Variants in FANCB observed in about 807,000 individuals in gnomAD.
FANCB encodes the protein FA complementation group B.
Under a neutral mutation model 38.9 loss-of-function variants are expected in FANCB, and 5 were observed. That is an observed-to-expected ratio of 0.13 (90% CI 0.07 to 0.27). The LOEUF (loss-of-function observed/expected upper bound fraction) is 0.27. Among genes scored for constraint, FANCB ranks in the 10% least tolerant of loss-of-function variants. The pLI, the probability that FANCB is intolerant of heterozygous loss-of-function variation, is 1.00. For missense variants in FANCB, 573 were observed against 602.7 expected (o/e 0.95, Z 0.52); for synonymous variants, 236 against 215.4 (o/e 1.10, Z -0.84).
the FANCB span, among the ~76,000 whole-genome samples, chrX:14,828,874 C>T: frequency 2.2e-3 from 247 of 110,910 alleles, no homozygotes; most frequent in African/African-American, 6.9e-3. Context: ...ATCTTACCTG[C>T]CTATTTTTAT....
the FANCB span, among the ~76,000 whole-genome samples, chrX:14,707,951 ACATTGTTAC>A: frequency 1.8e-5 from 2 of 111,169 alleles, no homozygotes; most frequent in South Asian, 7.6e-4. Flanking sequence ...CCATCATCTC[ACATTGTTAC>A]CAGTTTCTTT....
the FANCB span, among the ~76,000 whole-genome samples, chrX:14,721,842 C>T: frequency 4.5e-3 from 500 of 111,521 alleles, 1 homozygote; most frequent in Non-Finnish European, 7.3e-3. Context: ...CCTCAGTGCT[C>T]TATCTGGAAA....
chrX:14,859,144 G>A, intron 4 of FANCB, 38 bp downstream of exon 4: 1 of 1,000,238 alleles, frequency 1.0e-6, no homozygotes, highest in Non-Finnish European at 1.4e-6. Context: ...TTCTAAAATG[G>A]TTCTTAAAAT....
chrX:14,789,289 T>C, the FANCB span, among the ~76,000 whole-genome samples: 1 of 111,067 alleles, frequency 9.0e-6, no homozygotes, highest in African/African-American at 3.3e-5. Flanking sequence ...CAGTAGAATG[T>C]TATTTTCTCA....
the FANCB span, among the ~76,000 whole-genome samples, chrX:14,691,100 T>C: frequency 2.7e-5 from 3 of 112,077 alleles, no homozygotes; most frequent in African/African-American, 9.7e-5. Context: ...CAAGAAACAA[T>C]TTTTAGTATA....
chrX:14,742,086 C>T, the FANCB span, among the ~76,000 whole-genome samples: 2 of 111,761 alleles, frequency 1.8e-5, no homozygotes, highest in Non-Finnish European at 3.8e-5. Context: ...AGGACAAGTG[C>T]AATTCAAATG....
At chrX:14,714,638 G>A in the FANCB span, among the ~76,000 whole-genome samples, 1 of 111,653 alleles carries the variant, frequency 9.0e-6, no homozygotes, top group African/African-American at 3.3e-5. Flanking sequence ...CACTACTGGG[G>A]GTGAAGTCTG....
At chrX:14,794,242 A>G in the FANCB span, among the ~76,000 whole-genome samples, 1 of 111,693 alleles carries the variant, frequency 9.0e-6, no homozygotes, top group Admixed American at 9.6e-5. Flanking sequence ...AGAGTTTGTT[A>G]ACTGACAGAT....
At chrX:14,764,665 T>TA in the FANCB span, among the ~76,000 whole-genome samples, 36 of 109,074 alleles carry the variant, frequency 3.3e-4, no homozygotes, top group Non-Finnish European at 5.7e-4. Flanking sequence ...ACAAAAAGAG[T>TA]AAAAAAAATC....
chrX:14,702,881 G>C, the FANCB span, among the ~76,000 whole-genome samples: 1 of 111,623 alleles, frequency 9.0e-6, no homozygotes, highest in East Asian at 2.8e-4. Flanking sequence ...CTTAGAGACA[G>C]GGGCCACCAT....
chrX:14,849,471 G>A (rs2092391668), intron 7 of FANCB, among the ~76,000 whole-genome samples: 1 of 111,683 alleles, frequency 9.0e-6, no homozygotes, highest in Admixed American at 9.5e-5. Flanking sequence ...TGGTTTCTCT[G>A]CGTACCCGTG....
chrX:14,863,986 T>C, intron 3 of FANCB, among the ~76,000 whole-genome samples: 1 of 110,485 alleles, frequency 9.1e-6, no homozygotes, highest in Non-Finnish European at 1.9e-5. Flanking sequence ...AATATAAAAA[T>C]TAGCCAGGTG....
At chrX:14,740,917 T>C in the FANCB span, among the ~76,000 whole-genome samples, 2 of 111,194 alleles carry the variant, frequency 1.8e-5, no homozygotes, top group Non-Finnish European at 3.8e-5. Flanking sequence ...TGACAATTGG[T>C]ATTTTTATGT....
At chrX:14,851,838 GTTT>G (rs1280123201) in intron 6 of FANCB, among the ~76,000 whole-genome samples, 2 of 111,937 alleles carry the variant, frequency 1.8e-5, no homozygotes, top group African/African-American at 6.5e-5. Flanking sequence ...GCAACACAAT[GTTT>G]TTTTGTTACG....
chrX:14,730,621 T>C, the FANCB span: 1 of 316,607 alleles, frequency 3.2e-6, no homozygotes, highest in Non-Finnish European at 5.7e-6. Flanking sequence ...GTGGGTTTCC[T>C]GGCACCTACA....
the FANCB span, among the ~76,000 whole-genome samples, chrX:14,710,648 C>G: frequency 1.6e-3 from 183 of 111,824 alleles, 1 homozygote; most frequent in East Asian, 0.028. Flanking sequence ...TATGCCTGAA[C>G]TGAACTGTTG....
chrX:14,849,422 G>A (rs57351712), intron 7 of FANCB, among the ~76,000 whole-genome samples: 2,484 of 111,644 alleles, frequency 0.022, 60 homozygotes, highest in African/African-American at 0.077. Flanking sequence ...GTGTTAAGCT[G>A]CTCAAATATA....
chrX:14,787,856 A>C, the FANCB span, among the ~76,000 whole-genome samples: 2 of 83,917 alleles, frequency 2.4e-5, no homozygotes, highest in African/African-American at 9.1e-5. Context: ...ATAATAAATA[A>C]CTCTAATTTT....
At chrX:14,822,906 T>C in the FANCB span, among the ~76,000 whole-genome samples, 1 of 110,877 alleles carries the variant, frequency 9.0e-6, no homozygotes, top group Non-Finnish European at 1.9e-5. Flanking sequence ...ACCATGGTAG[T>C]TTTTTATTTT....
Sources: gnomAD v4.1 joint callset for allele counts (sites outside exome capture counted in the v4.1 genomes callset) on GRCh38, gnomAD v4.1.1 for gene constraint, MANE v1.5 for transcripts, NCBI Gene and HGNC (gene_info 2026-07-23, HGNC 2026-07-21) for gene names.